Variants in AOX1 observed in about 807,000 individuals in gnomAD.
AOX1 encodes the protein aldehyde oxidase 1.
AOX1 carries 153 observed loss-of-function variants against 169.5 expected under a neutral mutation model. The ratio of observed to expected loss-of-function variants is 0.90; its 90% CI spans 0.79 to 1.03. The LOEUF is 1.03. AOX1 is among the 50% of genes least tolerant of loss of function. The probability of loss-of-function intolerance (pLI) is 0.00; values close to 1 mark genes in which losing one functional copy is unlikely to be tolerated. For missense variants in AOX1, 1,656 were observed against 1,663.9 expected (o/e 1.00, Z 0.08); for synonymous variants, 562 against 581.9 (o/e 0.97, Z 0.49).
At chr2:200,597,330 T>C in intron 3 of AOX1, 67 bp from the exon 4 acceptor site, 5 of 1,144,024 alleles carry the variant, frequency 4.4e-6, no homozygotes, top group Non-Finnish European at 6.2e-6. Flanking sequence ...GCTCAGTGAA[T>C]GCCTGGCCCC....
chr2:200,628,788 G>A lies in AOX1; in HGVS notation c.2221+1339G>A, dbSNP rs138822265. Among the ~76,000 whole-genome samples, 959 of 152,212 alleles carry A rather than the reference G, an allele frequency of 6.3e-3. 10 individuals carry two copies. The highest frequency in any genetic ancestry group is 0.021 in the African/African-American group (891 of 41,526). ...TACTAAAAATACAAAAATTCCAGGC[G>A]TGGTGGTGGGAGCCTGTAATCCCAG... On this transcript the variant is annotated intron_variant, in intron 20 of 34. Transcript: ENST00000374700.
chr2:200,588,795 A>T (rs1211845164), intron 1 of AOX1, among the ~76,000 whole-genome samples: 1 of 136,530 alleles, frequency 7.3e-6, no homozygotes, highest in East Asian at 2.2e-4. Flanking sequence ...GGACTATGAA[A>T]CTGCAAGCAC....
intron 16 of AOX1, among the ~76,000 whole-genome samples, chr2:200,617,975 A>G (rs2034801469): frequency 6.6e-6 from 1 of 151,994 alleles, no homozygotes; most frequent in Non-Finnish European, 1.5e-5. Context: ...GGAAGAGGAG[A>G]ACTGAGGGGA....
intron 32 of AOX1, 111 bp downstream of exon 32, chr2:200,666,863 T>C: frequency 1.4e-6 from 1 of 703,248 alleles, no homozygotes; most frequent in South Asian, 2.2e-5. Flanking sequence ...TTCTAACCCT[T>C]TAGTCAACTC....
chr2:200,665,695 G>A (rs1038511540), intron 31 of AOX1, among the ~76,000 whole-genome samples: 3 of 152,174 alleles, frequency 2.0e-5, no homozygotes. Context: ...GCCTCCCAAA[G>A]TGCTGGGATT....
chr2:200,666,370 T>C (rs2035924339), intron 31 of AOX1, among the ~76,000 whole-genome samples: 1 of 152,248 alleles, frequency 6.6e-6, no homozygotes. Flanking sequence ...TTGTGTCATA[T>C]GTTATATCTG....
intron 15 of AOX1, among the ~76,000 whole-genome samples, chr2:200,614,716 A>T (rs1392152621): frequency 6.6e-6 from 1 of 152,180 alleles, no homozygotes; most frequent in South Asian, 2.1e-4. Flanking sequence ...AGAAGTTAGT[A>T]TGGTCACTTT....
At position 200,605,526 on chromosome 2, in the gene AOX1, G is replaced by A; in HGVS notation, c.815-10G>A. ...GTCTTATTGATTTTTTTTTTTTTTT[G>A]ATCCTTTAGGGCCTGAAGTGAAATT... On this transcript the variant is annotated splice_polypyrimidine_tract_variant and intron_variant, in intron 9 of 34. Transcript: ENST00000374700. 3 of 1,169,996 alleles carry A rather than the reference G, an allele frequency of 2.6e-6. No individual in the cohort carries two copies. Among genetic ancestry groups the A allele is most frequent in the Non-Finnish European group, 3.4e-6 (3 of 880,346 alleles). 72.5% of individuals were successfully genotyped at this position (1,169,996 alleles called of 1,614,324 possible).
chr2:200,624,744 A>T (rs2105727505), intron 19 of AOX1, among the ~76,000 whole-genome samples: 1 of 152,220 alleles, frequency 6.6e-6, no homozygotes, highest in South Asian at 2.1e-4. Context: ...AGGCTATAAG[A>T]CTCATCTCCA....
chr2:200,598,293 G>A (rs2034331432), intron 4 of AOX1, among the ~76,000 whole-genome samples: 1 of 152,082 alleles, frequency 6.6e-6, no homozygotes, highest in African/African-American at 2.4e-5. Context: ...CTACCAAAAA[G>A]CTTTGTTATA....
rs1477876544 is a variant in AOX1 at position 200,612,648 on chromosome 2, G to T, written c.1303G>T (p.Glu435Ter). Reference protein sequence around the residue: ...VSAFRQAQRQENALAIVNSGM... With the variant: ...VSAFRQAQRQ ...AGCCTTCCGACAAGCCCAGCGACAG[G>T]AGAATGCGCTAGCGATAGTCAATTC... Residue 435 changes from glutamate to a stop codon, truncating the protein, a stop_gained, in exon 14 of 35, where the codon GAG (glutamate) becomes TAG (stop). Coordinates refer to ENST00000374700, the MANE Select transcript of AOX1 (RefSeq NM_001159.4). LOFTEE classifies it high-confidence loss of function. The T allele has an allele frequency of 3.1e-6, 5 of 1,613,968 alleles. No individual in the cohort carries two copies. Among genetic ancestry groups the T allele is most frequent in the Middle Eastern group, 1.7e-4 (1 of 6,052 alleles).
chr2:200,608,038 G>A (rs1478975457), intron 10 of AOX1, among the ~76,000 whole-genome samples: 1 of 152,112 alleles, frequency 6.6e-6, no homozygotes, highest in Non-Finnish European at 1.5e-5. Context: ...AAACCTAGAT[G>A]ACAGGTTGAT....
intron 21 of AOX1, 140 bp from the exon 22 acceptor site, chr2:200,636,771 A>G: frequency 2.1e-6 from 2 of 954,970 alleles, no homozygotes; most frequent in Non-Finnish European, 3.1e-6. Flanking sequence ...AAGAATCAAA[A>G]CATCTAGTGA....
chr2:200,677,349 T>A (rs1044129413), downstream of AOX1, among the ~76,000 whole-genome samples: 2 of 152,164 alleles, frequency 1.3e-5, no homozygotes, highest in Non-Finnish European at 2.9e-5. Context: ...TCAGACCACA[T>A]TTTGTAATTG....
intron 15 of AOX1, 72 bp downstream of exon 15, chr2:200,614,038 C>A: frequency 7.3e-7 from 1 of 1,378,406 alleles, no homozygotes; most frequent in South Asian, 1.3e-5. Context: ...GAGGCAATGA[C>A]TCCCTACCAA....
Position 200,627,352 on chromosome 2 carries a change from G to A in AOX1, c.2125-1G>A, listed in dbSNP as rs763017940. 1 of 1,610,472 alleles carries A rather than the reference G, an allele frequency of 6.2e-7. No homozygotes were observed. Among genetic ancestry groups the A allele is most frequent in the South Asian group, 1.1e-5 (1 of 90,912 alleles). On this transcript the variant is annotated splice_acceptor_variant, in intron 19 of 34. Coordinates refer to ENST00000374700, the MANE Select transcript of AOX1 (RefSeq NM_001159.4). LOFTEE classifies it high-confidence loss of function. ...GCCTCATTCCTCTGTTCTCTTTCTAGGAAAGTATACAACACAACTCCTCCT... is the reference window on the plus strand; with the variant it reads ...GCCTCATTCCTCTGTTCTCTTTCTAAGAAAGTATACAACACAACTCCTCCT...
In AOX1 at chr2:200,613,893, A is replaced by G. The variant is rs2034696531; in HGVS notation, c.1538A>G (p.Glu513Gly). Residue 513 changes from glutamate to glycine, a missense_variant, in exon 15 of 35, where the codon GAG (glutamate) becomes GGG (glycine). By Grantham distance (98) the Glu-to-Gly change is moderately conservative. Coordinates refer to ENST00000374700, the MANE Select transcript of AOX1 (RefSeq NM_001159.4). ...LLGSAPGGKVEFKRTLIISFL... is the reference protein window; with the variant it reads ...LLGSAPGGKVGFKRTLIISFL... The stretch of plus-strand genomic sequence containing the variant: ...GGCTCGGCGCCAGGTGGGAAAGTGG[A>G]GTTCAAGAGGACTCTCATCATCAGC... 7.4e-6 allele frequency: 12 copies of G among 1,612,576 alleles called. No homozygotes were observed. Among genetic ancestry groups the G allele is most frequent in the Non-Finnish European group, 9.3e-6 (11 of 1,179,976 alleles).
At position 200,642,604 on chromosome 2, in the gene AOX1, C is replaced by T; in HGVS notation, c.2656-6C>T. On this transcript the variant is annotated splice_region_variant and splice_polypyrimidine_tract_variant and intron_variant, in intron 24 of 34. Transcript: ENST00000374700. ...TCTTAATCACATCAACTCTGGATTT[C>T]TCCAGGTGATAGAAATGGGACTTCT... The T allele has an allele frequency of 6.2e-7, 1 of 1,613,582 alleles. No individual in the cohort carries two copies. Among genetic ancestry groups the T allele is most frequent in the Non-Finnish European group, 8.5e-7 (1 of 1,179,580 alleles).
At chr2:200,604,895 T>TGGGGAG in intron 9 of AOX1, 55 bp downstream of exon 9, 1 of 715,262 alleles carries the variant, frequency 1.4e-6, no homozygotes, top group Non-Finnish European at 2.4e-6. Flanking sequence ...GGGCTTGGGA[T>TGGGGAG]GGGGCCGGGG....
Sources: allele counts gnomAD v4.1 joint callset (sites outside exome capture counted in the v4.1 genomes callset), GRCh38; gene constraint gnomAD v4.1.1; transcripts MANE v1.5; gene names NCBI Gene and HGNC (gene_info 2026-07-23, HGNC 2026-07-21).